Variants in ZNF821 observed in about 807,000 individuals in gnomAD.
ZNF821 encodes zinc finger protein 821.
A neutral mutation model predicts 44.3 loss-of-function variants in ZNF821; 16 were observed. The ratio of observed to expected loss-of-function variants is 0.36; its 90% confidence interval spans 0.24 to 0.55. ZNF821 has a LOEUF of 0.55. ZNF821 is among the 20% of genes least tolerant of loss of function. ZNF821 has a pLI of 0.86. For synonymous variants in ZNF821, 204 were observed against 197.6 expected (o/e 1.03, Z -0.27); for missense variants, 436 against 547.6 (o/e 0.80, Z 2.03).
At chr16:71,892,361 G>C (rs1267553793) in intron 1 of ZNF821, among the ~76,000 whole-genome samples, 1 of 150,260 alleles carries the variant, frequency 6.7e-6, no homozygotes, top group South Asian at 2.1e-4. Context: ...CCGCCTCCCG[G>C]GTTCACACCA....
intron 6 of ZNF821, among the ~76,000 whole-genome samples, chr16:71,862,505 A>C (rs887761539): frequency 2.3e-4 from 35 of 152,138 alleles, no homozygotes; most frequent in African/African-American, 7.7e-4. Context: ...CAACAACAAC[A>C]GTGGGGCGCC....
At chr16:71,890,764 CTTTTTTTTTTTTTTT>C (rs750537169) in intron 1 of ZNF821, 2 of 65,452 alleles carry the variant, frequency 3.1e-5, no homozygotes, top group Admixed American at 2.1e-4. Context: ...CCCCTTCCTG[CTTTTTTTTTTTTTTT>C]TTTTTTTTTT....
At chr16:71,863,277 A>G (rs2034123290) in intron 6 of ZNF821, among the ~76,000 whole-genome samples, 1 of 152,146 alleles carries the variant, frequency 6.6e-6, no homozygotes, top group South Asian at 2.1e-4. Flanking sequence ...TTTAAAATAT[A>G]CATTAAATAA....
rs775435729 is a variant in ZNF821 at position 71,860,317 on chromosome 16, C to A, written c.940G>T (p.Glu314Ter). The A allele has an allele frequency of 6.2e-7, 1 of 1,612,524 alleles. No individual in the cohort carries two copies. Among genetic ancestry groups the A allele is most frequent in the Admixed American group, 1.7e-5 (1 of 60,010 alleles). ...KRLQRMQETD[E>*]QRARRLQRDR... ...CGCTGCAGCCGGCGTGCCCGCTGCT[C>A]GTCTGTCTCCTGCATGCGCTGCAAG... The change falls in exon 8 of 8, where the codon GAG becomes TAG. Residue 314 changes from glutamate (E) to a stop codon, truncating the protein, a stop_gained. Transcript: ENST00000425432. LOFTEE classifies it high-confidence loss of function. The surrounding 1 kb of genome is among the most constrained non-coding windows in gnomAD (Gnocchi z 7.3).
intron 3 of ZNF821, among the ~76,000 whole-genome samples, chr16:71,879,613 G>A (rs1398814764): frequency 3.3e-5 from 5 of 151,962 alleles, no homozygotes; most frequent in African/African-American, 1.2e-4. Flanking sequence ...GCAGAGAGTA[G>A]GTATCCTATA....
At chr16:71,867,813 G>T in intron 4 of ZNF821, 99 bp downstream of exon 4, 4 of 1,436,388 alleles carry the variant, frequency 2.8e-6, no homozygotes, top group Admixed American at 2.3e-5. Context: ...CCTTTTTCAT[G>T]TCTTTCTCCC....
chr16:71,864,182 GCTGGCAGAGGGGACA>G lies in ZNF821; in HGVS notation c.358_372del (p.Cys120_Gln124del). 1 of 1,614,234 alleles carries G rather than the reference GCTGGCAGAGGGGACA, an allele frequency of 6.2e-7. No homozygotes were observed. The highest frequency in any genetic ancestry group is 8.5e-7 in the Non-Finnish European group (1 of 1,180,036). ...AACTGCTCCCGGCTCCCGCAGTCTAGCTGGCAGAGGGGACACTGGCAGAGTTCAAGCAAGGGGTCA... is the reference window on the plus strand; with the variant it reads ...AACTGCTCCCGGCTCCCGCAGTCTAGCTGGCAGAGTTCAAGCAAGGGGTCA... On this transcript the variant is annotated inframe_deletion, in exon 6 of 8. Coordinates refer to ENST00000425432, the MANE Select transcript of ZNF821 (RefSeq NM_001201552.2).
intron 3 of ZNF821, among the ~76,000 whole-genome samples, chr16:71,874,765 A>G (rs1180881730): frequency 6.6e-6 from 1 of 152,128 alleles, no homozygotes; most frequent in Non-Finnish European, 1.5e-5. Flanking sequence ...CATTTCATTT[A>G]CTTTTAATAG....
chr16:71,886,613 A>G (rs1390426655), upstream of ZNF821, among the ~76,000 whole-genome samples: 2 of 152,198 alleles, frequency 1.3e-5, no homozygotes, highest in African/African-American at 4.8e-5. Flanking sequence ...CTATATTCCA[A>G]CAATAAAGGT....
rs1477372722 is a variant in ZNF821, at chr16:71,878,070, T to C, written c.40+1837A>G. Reference sequence around the variant, plus strand: ...CCTCTGAATTCTCTTCAAATGTTGCTGCACTTTACTCAAACAGTTCATAAT... The same window carrying C: ...CCTCTGAATTCTCTTCAAATGTTGCCGCACTTTACTCAAACAGTTCATAAT... On this transcript the variant is annotated intron_variant, in intron 3 of 7. Coordinates refer to ENST00000425432, the MANE Select transcript of ZNF821 (RefSeq NM_001201552.2). 2.7e-5 allele frequency among the ~76,000 whole-genome samples: 4 copies of C among 149,440 alleles called. No individual in the cohort carries two copies. The South Asian group carries it at 6.3e-4, about 23-fold the overall frequency.
intron 6 of ZNF821, among the ~76,000 whole-genome samples, chr16:71,863,748 A>G (rs2034205724): frequency 6.6e-6 from 1 of 151,282 alleles, no homozygotes; most frequent in African/African-American, 2.4e-5. Context: ...CCCAGGCTGG[A>G]GTGTAATTGC....
chr16:71,893,751 G>T (rs2036910283), intron 1 of ZNF821, among the ~76,000 whole-genome samples: 1 of 150,958 alleles, frequency 6.6e-6, no homozygotes. Flanking sequence ...AAGCCACCAT[G>T]CCCAGCCAAA....
chr16:71,890,573 G>A (rs1351334952), intron 1 of ZNF821: 1 of 151,458 alleles, frequency 6.6e-6, no homozygotes, highest in East Asian at 1.9e-4. Context: ...TTTTAATAGA[G>A]ACAGATTTTC....
chr16:71,864,627 C>T (rs946200304), intron 5 of ZNF821: 2 of 458,914 alleles, frequency 4.4e-6, no homozygotes, highest in African/African-American at 3.9e-5. Flanking sequence ...CAGCTTTCTA[C>T]TTCAACAAAG....
Position 71,861,955 on chromosome 16 carries a change from G to A in ZNF821, c.418-13C>T. ...CTGCTGCAGTGTGCTGTAAAACAGA[G>A]CCTTGATCTGTCAGTCTTGCGCTAC... On this transcript the variant is annotated splice_polypyrimidine_tract_variant and intron_variant, in intron 6 of 7. Transcript: ENST00000425432. 2 of 1,612,568 alleles carry A rather than the reference G, an allele frequency of 1.2e-6. No homozygotes were observed. Among genetic ancestry groups the A allele is most frequent in the Non-Finnish European group, 1.7e-6 (2 of 1,178,656 alleles).
Position 71,861,779 on chromosome 16 carries a change from T to C in ZNF821, c.581A>G (p.Asn194Ser), listed in dbSNP as rs1248231831. 2 of 1,613,946 alleles carry C rather than the reference T, an allele frequency of 1.2e-6. No individual in the cohort carries two copies. Among genetic ancestry groups the C allele is most frequent in the South Asian group, 2.2e-5 (2 of 91,078 alleles). Residue 194 changes from asparagine (N) to serine (S), a missense_variant, in exon 7 of 8, where the codon AAC becomes AGC. By Grantham distance (46) the Asn-to-Ser change is conservative (BLOSUM62 1). Transcript: ENST00000425432. ...GARFTSHATF[N>S]SEKLPEVLNM... ...CAGGGATAAGTGCCCAGCTGACCTG[T>C]TAAAAGTGGCATGGCTGGTGAACCG... is the stretch of plus-strand genomic sequence containing the variant.
intron 1 of ZNF821, chr16:71,894,580 C>CT (rs1280140394): frequency 1.7e-5 from 7 of 421,380 alleles, no homozygotes; most frequent in Admixed American, 1.2e-4. Context: ...GGCTGGAGTG[C>CT]TGTGACGTGA....
intron 4 of ZNF821, 157 bp downstream of exon 4, chr16:71,867,755 C>T: frequency 3.7e-6 from 3 of 800,656 alleles, no homozygotes; most frequent in Non-Finnish European, 5.3e-6. Context: ...TAAACACATG[C>T]CCACACACCT....
rs1167821517 is a variant in ZNF821 at position 71,860,308 on chromosome 16, C to T, written c.949G>A (p.Ala317Thr). ...QRMQETDEQR[A>T]RRLQRDREAM... ...TCCCGATCCCGCTGCAGCCGGCGTG[C>T]CCGCTGCTCGTCTGTCTCCTGCATG... is the stretch of plus-strand genomic sequence containing the variant. Residue 317 changes from alanine to threonine, a missense_variant, in exon 8 of 8, where the codon GCA becomes ACA. Physicochemically the swap from Ala to Thr is moderately conservative, Grantham distance 58. Transcript: ENST00000425432. The surrounding 1 kb of genome is among the most constrained non-coding windows in gnomAD (Gnocchi z 7.3). 1.2e-6 allele frequency: 2 copies of T among 1,612,780 alleles called. No homozygotes were observed. Among genetic ancestry groups the T allele is most frequent in the East Asian group, 4.5e-5 (2 of 44,868 alleles).
Sources: allele counts gnomAD v4.1 joint callset (sites outside exome capture counted in the v4.1 genomes callset), GRCh38; gene constraint gnomAD v4.1.1; non-coding constraint Gnocchi (gnomAD v3.1); transcripts MANE v1.5; gene names NCBI Gene and HGNC (gene_info 2026-07-23, HGNC 2026-07-21).